Variants in CHCHD6 observed in about 807,000 individuals in gnomAD.
CHCHD6 encodes the protein coiled-coil-helix-coiled-coil-helix domain containing 6, also known as MICOS complex subunit MIC25.
CHCHD6 carries 28 observed loss-of-function variants against 32.3 expected under a neutral mutation model. The ratio of observed to expected loss-of-function variants is 0.87; its 90% CI spans 0.64 to 1.19. CHCHD6 has a LOEUF of 1.19. Ranked by LOEUF, CHCHD6 falls within the 50% of genes most tolerant of loss-of-function variation. CHCHD6 has a pLI of 0.00. For missense variants in CHCHD6, 333 were observed against 307.0 expected, an observed-to-expected ratio of 1.08 and a Z score of -0.63; for synonymous variants, 122 against 117.5, an observed-to-expected ratio of 1.04 and a Z score of -0.25.
intron 4 of CHCHD6, among the ~76,000 whole-genome samples, chr3:126,780,853 T>C (rs1260752085): frequency 6.6e-6 from 1 of 152,216 alleles, no homozygotes; most frequent in Non-Finnish European, 1.5e-5. Flanking sequence ...GGCAGACGAA[T>C]GCTGATATAG....
At chr3:126,951,302 C>T (rs2078712306) in intron 6 of CHCHD6, among the ~76,000 whole-genome samples, 2 of 152,140 alleles carry the variant, frequency 1.3e-5, no homozygotes, top group South Asian at 4.1e-4. Flanking sequence ...TATAAATTAC[C>T]CAGTCTCAGG....
At chr3:126,889,858 G>A (rs539452324) in intron 5 of CHCHD6, among the ~76,000 whole-genome samples, 38 of 152,216 alleles carry the variant, frequency 2.5e-4, no homozygotes, top group Non-Finnish European at 4.9e-4. Flanking sequence ...GACCAGGTCC[G>A]CAGAAAGCGT....
chr3:126,852,495 G>A (rs1160244071), intron 4 of CHCHD6, 152 bp from the exon 5 acceptor site: 7 of 601,490 alleles, frequency 1.2e-5, no homozygotes, highest in African/African-American at 7.4e-5. Context: ...CACAATATAT[G>A]TGAATGATCT....
At chr3:126,888,040 G>A (rs1443901474) in intron 5 of CHCHD6, among the ~76,000 whole-genome samples, 2 of 152,190 alleles carry the variant, frequency 1.3e-5, no homozygotes, top group African/African-American at 4.8e-5. Context: ...TGAGCGGGGG[G>A]CTGCTGAGGG....
rs71150454 is a variant in CHCHD6, at chr3:126,824,560, CAAAAAAAAAA to C, written c.412-28075_412-28066del. Among the ~76,000 whole-genome samples, 6 of 40,000 alleles carry C rather than the reference CAAAAAAAAAA, an allele frequency of 1.5e-4. 1 individual carries two copies. Among genetic ancestry groups the C allele is most frequent in the African/African-American group, 2.9e-4 (2 of 6,800 alleles). The allele number at this position is 40,000 out of a possible 152,430, so 26.2% of individuals were successfully genotyped here. A position where few individuals can be genotyped will look rare whatever the true frequency, so the allele number is the denominator to read the frequency against. On this transcript the variant is annotated intron_variant, in intron 4 of 7. Coordinates refer to ENST00000290913, the MANE Select transcript of CHCHD6 (RefSeq NM_032343.3). ...TAGGTGATAGAGCAAGACTCTGTCT[CAAAAAAAAAA>C]AAAAAAAAAAAGTCAAATGTTGGTT...
chr3:126,810,802 A>G (rs1490100858), intron 4 of CHCHD6, among the ~76,000 whole-genome samples: 2 of 152,212 alleles, frequency 1.3e-5, no homozygotes, highest in African/African-American at 2.4e-5. Context: ...TATGGATGCT[A>G]TCATACTACC....
intron 5 of CHCHD6, among the ~76,000 whole-genome samples, chr3:126,870,996 T>G (rs2077461585): frequency 6.6e-6 from 1 of 152,210 alleles, no homozygotes; most frequent in Non-Finnish European, 1.5e-5. Context: ...CTTTAGTGAG[T>G]GAATTCTGCG....
At chr3:126,882,798 T>C (rs2077628992) in intron 5 of CHCHD6, among the ~76,000 whole-genome samples, 2 of 152,192 alleles carry the variant, frequency 1.3e-5, no homozygotes, top group Non-Finnish European at 1.5e-5. Context: ...CTGTGAAATA[T>C]ATATTTGGTA....
At chr3:126,909,260 T>C (rs1356048258) in intron 5 of CHCHD6, among the ~76,000 whole-genome samples, 1 of 152,250 alleles carries the variant, frequency 6.6e-6, no homozygotes, top group Non-Finnish European at 1.5e-5. Flanking sequence ...CATGCCTTAA[T>C]GCACTGGTCC....
At chr3:126,744,142 G>C (rs1345272478) in intron 4 of CHCHD6, among the ~76,000 whole-genome samples, 1 of 152,220 alleles carries the variant, frequency 6.6e-6, no homozygotes, top group Admixed American at 6.5e-5. Context: ...TCCTGCCAGA[G>C]TGAAATTGGG....
intron 4 of CHCHD6, chr3:126,767,256 T>G (rs1455881542): frequency 1.4e-6 from 2 of 1,411,948 alleles, no homozygotes; most frequent in Non-Finnish European, 2.0e-6. Context: ...CTGGGGATAG[T>G]GTCTGTCAGG....
intron 5 of CHCHD6, among the ~76,000 whole-genome samples, chr3:126,860,846 G>A (rs1941834350): frequency 6.6e-6 from 1 of 152,186 alleles, no homozygotes; most frequent in Non-Finnish European, 1.5e-5. Context: ...TGATCAATGA[G>A]ACAGGAATAT....
rs1369948518 is a variant in CHCHD6 at position 126,895,476 on chromosome 3, C to T, written c.496-19204C>T. On this transcript the variant is annotated intron_variant, in intron 5 of 7. Coordinates refer to ENST00000290913, the MANE Select transcript of CHCHD6 (RefSeq NM_032343.3). ...ACTGGAGAGAGGAAATGATAGCCCT[C>T]TGCACACATTAAAGTTGAGTTCACA... is the stretch of plus-strand genomic sequence containing the variant. 2.0e-5 allele frequency among the ~76,000 whole-genome samples: 3 copies of T among 152,184 alleles called. No homozygotes were observed. The South Asian group carries it at 6.2e-4, about 31-fold the overall frequency.
At chr3:126,890,711 G>A (rs1384495836) in intron 5 of CHCHD6, among the ~76,000 whole-genome samples, 1 of 152,210 alleles carries the variant, frequency 6.6e-6, no homozygotes, top group Non-Finnish European at 1.5e-5. Flanking sequence ...AAGCAACATT[G>A]TAAGATTTTA....
chr3:126,922,223 A>G (rs977828852), intron 6 of CHCHD6, among the ~76,000 whole-genome samples: 1 of 152,228 alleles, frequency 6.6e-6, no homozygotes, highest in African/African-American at 2.4e-5. Flanking sequence ...TGCTTGGCAC[A>G]TGTACTGTAC....
At chr3:126,934,997 G>A (rs542552814) in intron 6 of CHCHD6, 4 of 300,044 alleles carry the variant, frequency 1.3e-5, no homozygotes, top group African/African-American at 4.5e-5. Flanking sequence ...AATTCTGGAC[G>A]AGAAGACAGT....
intron 1 of CHCHD6, among the ~76,000 whole-genome samples, chr3:126,721,796 C>T (rs1396066187): frequency 2.0e-5 from 3 of 148,718 alleles, no homozygotes; most frequent in East Asian, 2.0e-4. Context: ...AAGGCAGTCA[C>T]GAATCTACTT....
intron 4 of CHCHD6, among the ~76,000 whole-genome samples, chr3:126,800,008 TTATC>T (rs1938988446): frequency 6.6e-6 from 1 of 152,190 alleles, no homozygotes; most frequent in Admixed American, 6.5e-5. Flanking sequence ...ATTTAACCAA[TTATC>T]TATTATTATA....
chr3:126,751,503 CAAA>C (rs774893414), intron 4 of CHCHD6, among the ~76,000 whole-genome samples: 6 of 71,750 alleles, frequency 8.4e-5, no homozygotes, highest in African/African-American at 1.4e-4. Context: ...GACCCTGTCT[CAAA>C]AAAAAAAAAA....
Sources: allele counts gnomAD v4.1 joint callset (sites outside exome capture counted in the v4.1 genomes callset), GRCh38; gene constraint gnomAD v4.1.1; transcripts MANE v1.5; gene names NCBI Gene and HGNC (gene_info 2026-07-23, HGNC 2026-07-21).